The following CBFB variants were observed in gnomAD, a reference collection of about 807,000 sequenced individuals.
CBFB encodes CBF-beta.
In CBFB, 9 loss-of-function variants were observed where a neutral mutation model predicts 30.4. That is an observed-to-expected ratio of 0.30 (90% CI 0.18 to 0.52). CBFB has a LOEUF of 0.52. Ranked by LOEUF, CBFB falls within the 20% of genes least tolerant of loss-of-function variation. The pLI, the probability that CBFB is intolerant of heterozygous loss-of-function variation, is 0.97. For missense variants in CBFB, 170 were observed against 244.0 expected (o/e 0.70, Z 2.02); for synonymous variants, 94 against 84.0 (o/e 1.12, Z -0.65).
chr16:67,036,839 A>G (rs1472926913), intron 3 of CBFB, 84 bp downstream of exon 3: 2 of 820,966 alleles, frequency 2.4e-6, no homozygotes, highest in Admixed American at 1.7e-5. Context: ...AATAAAGATC[A>G]CAGATCTGAT....
chr16:67,064,403 C>T (rs894065386), intron 3 of CBFB, among the ~76,000 whole-genome samples: 6 of 152,148 alleles, frequency 3.9e-5, no homozygotes, highest in Non-Finnish European at 8.8e-5. Flanking sequence ...GACGGGGTTT[C>T]ACTTTGTTGT....
chr16:67,055,031 C>T (rs113783303), intron 3 of CBFB, among the ~76,000 whole-genome samples: 5 of 151,054 alleles, frequency 3.3e-5, no homozygotes, highest in East Asian at 1.9e-4. Flanking sequence ...TCTTGTTTAT[C>T]GGGTACATTT....
chr16:67,090,906 C>T (rs1961861801), intron 5 of CBFB, among the ~76,000 whole-genome samples: 1 of 152,102 alleles, frequency 6.6e-6, no homozygotes, highest in Non-Finnish European at 1.5e-5. Flanking sequence ...AGTTTTGGGG[C>T]CTTCAATTCT....
chr16:67,085,191 A>G (rs1049431284), intron 5 of CBFB, among the ~76,000 whole-genome samples: 3 of 151,698 alleles, frequency 2.0e-5, no homozygotes, highest in African/African-American at 7.3e-5. Flanking sequence ...TGTGTGTGTG[A>G]TGGAGTCTCA....
intron 5 of CBFB, among the ~76,000 whole-genome samples, chr16:67,096,405 G>C (rs1962046870): frequency 6.6e-6 from 1 of 151,908 alleles, no homozygotes; most frequent in African/African-American, 2.4e-5. Flanking sequence ...CCAACATTTG[G>C]AGGCAGTAAA....
At chr16:67,059,145 A>C (rs1960815174) in intron 3 of CBFB, among the ~76,000 whole-genome samples, 1 of 152,234 alleles carries the variant, frequency 6.6e-6, no homozygotes, top group South Asian at 2.1e-4. Context: ...AGGAAAAGAC[A>C]GGTAAGGATG....
intron 3 of CBFB, among the ~76,000 whole-genome samples, chr16:67,051,004 A>G (rs1463787453): frequency 6.6e-6 from 1 of 152,210 alleles, no homozygotes; most frequent in Non-Finnish European, 1.5e-5. Flanking sequence ...TTTAAAACTT[A>G]TGAATTGTTT....
intron 3 of CBFB, among the ~76,000 whole-genome samples, chr16:67,058,784 C>T (rs757773296): frequency 1.3e-5 from 2 of 152,136 alleles, no homozygotes; most frequent in Non-Finnish European, 1.5e-5. Flanking sequence ...TTTCTTAATA[C>T]GTCAGTTTAT....
At chr16:67,091,861 GT>G (rs142582516) in intron 5 of CBFB, among the ~76,000 whole-genome samples, 3,059 of 151,806 alleles carry the variant, frequency 0.02, 98 homozygotes, top group African/African-American at 0.069. Context: ...TGTTGTTGTT[GT>G]TGTTTGTTTG....
At chr16:67,091,861 G>GTTGTTTGT (rs369392093) in intron 5 of CBFB, among the ~76,000 whole-genome samples, 3 of 151,812 alleles carry the variant, frequency 2.0e-5, no homozygotes, top group African/African-American at 7.2e-5. Flanking sequence ...TGTTGTTGTT[G>GTTGTTTGT]TTGTTTGTTT....
chr16:67,064,944 C>G (rs1258713283), intron 3 of CBFB, among the ~76,000 whole-genome samples: 1 of 152,112 alleles, frequency 6.6e-6, no homozygotes, highest in Non-Finnish European at 1.5e-5. Context: ...GTCACCCAGG[C>G]TGGAGTGCAG....
intron 3 of CBFB, among the ~76,000 whole-genome samples, chr16:67,050,246 TCA>T (rs984780362): frequency 2.0e-5 from 3 of 147,596 alleles, no homozygotes; most frequent in Admixed American, 6.8e-5. Flanking sequence ...GTAATATATA[TCA>T]CATAAATTAT....
intron 3 of CBFB, among the ~76,000 whole-genome samples, chr16:67,053,066 G>A (rs975286629): frequency 4.0e-5 from 6 of 150,148 alleles, no homozygotes; most frequent in East Asian, 3.9e-4. Flanking sequence ...TCCTCAACCC[G>A]TCTCCCCCCA....
At chr16:67,066,572 A>C (rs1208259998) in intron 3 of CBFB, 110 bp from the exon 4 acceptor site, 3 of 564,106 alleles carry the variant, frequency 5.3e-6, no homozygotes, top group Non-Finnish European at 6.4e-6. Context: ...TCAATCAGTC[A>C]ATCATAATTT....
At chr16:67,081,765 A>G (rs990352223) in intron 4 of CBFB, among the ~76,000 whole-genome samples, 4 of 152,034 alleles carry the variant, frequency 2.6e-5, no homozygotes, top group African/African-American at 4.8e-5. Context: ...GTGGTGAGCT[A>G]TGATTCCACC....
At chr16:67,094,236 G>A (rs1017058457) in intron 5 of CBFB, among the ~76,000 whole-genome samples, 1 of 150,668 alleles carries the variant, frequency 6.6e-6, no homozygotes, top group Non-Finnish European at 1.5e-5. Context: ...GGAATTACTA[G>A]TGTGAGCCAC....
At position 67,055,357 on chromosome 16, in the gene CBFB, CTTTT is replaced by C. The variant is rs1163773529; in HGVS notation, c.283-11301_283-11298del. ...AAATCTATTGAATTCCAGACACTTT[CTTTT>C]TTTTTTTTTTTTTTTTTTTTTTTGA... is the stretch of plus-strand genomic sequence containing the variant. On this transcript the variant is annotated intron_variant, in intron 3 of 5. Coordinates refer to ENST00000412916, the MANE Select transcript of CBFB (RefSeq NM_022845.3). Among the ~76,000 whole-genome samples, 281 of 81,436 alleles carry C rather than the reference CTTTT, an allele frequency of 3.5e-3. 3 individuals are homozygous for C. Among genetic ancestry groups the C allele is most frequent in the African/African-American group, 0.014 (256 of 18,418 alleles). 53.4% of individuals were successfully genotyped at this position (81,436 alleles called of 152,430 possible). A position where few individuals can be genotyped will look rare whatever the true frequency, so the allele number is the denominator to read the frequency against.
At chr16:67,055,353 C>CTTTTT (rs1960686305) in intron 3 of CBFB, among the ~76,000 whole-genome samples, 4 of 117,430 alleles carry the variant, frequency 3.4e-5, no homozygotes, top group African/African-American at 1.5e-4. Flanking sequence ...ATTCCAGACA[C>CTTTTT]TTTCTTTTTT....
intron 4 of CBFB, 83 bp from the exon 5 acceptor site, chr16:67,082,130 A>G (rs542876865): frequency 1.1e-3 from 294 of 267,056 alleles, no homozygotes; most frequent in Non-Finnish European, 1.4e-3. Context: ...CTGTTTCAGG[A>G]AAAAAAAAAA....
Sources: allele counts gnomAD v4.1 joint callset (sites outside exome capture counted in the v4.1 genomes callset), GRCh38; gene constraint gnomAD v4.1.1; transcripts MANE v1.5; gene names NCBI Gene and HGNC (gene_info 2026-07-23, HGNC 2026-07-21).